The following CEP192 variants were observed in gnomAD, a reference collection of about 807,000 sequenced individuals.
CEP192 encodes centrosomal protein 192, also known as centrosomal protein of 192 kDa.
In CEP192, 151 loss-of-function variants were observed where a neutral mutation model predicts 271.8. The observed-to-expected ratio is 0.56, with a 90% CI of 0.49 to 0.64. CEP192 has a LOEUF of 0.64. Among genes scored for constraint, CEP192 ranks in the 30% least tolerant of loss-of-function variants. CEP192 has a pLI of 0.00. For synonymous variants in CEP192, 995 were observed against 1,076.5 expected (o/e 0.92, Z 1.48); for missense variants, 2,910 against 3,020.5 (o/e 0.96, Z 0.86).
At chr18:13,072,111 G>T (rs972918331) in intron 28 of CEP192, among the ~76,000 whole-genome samples, 1 of 152,188 alleles carries the variant, frequency 6.6e-6, no homozygotes, top group African/African-American at 2.4e-5. Flanking sequence ...TGGATGAGAC[G>T]TAGACCTCAG....
At chr18:13,001,776 T>C (rs1047417079) in intron 3 of CEP192, among the ~76,000 whole-genome samples, 194 bp downstream of exon 3, 9 of 152,234 alleles carry the variant, frequency 5.9e-5, no homozygotes, top group Admixed American at 1.3e-4. Context: ...TGATCTCAGC[T>C]CACTGCAACC....
At chr18:13,117,844 T>TC (rs1349601180) in intron 44 of CEP192, among the ~76,000 whole-genome samples, 5 of 152,222 alleles carry the variant, frequency 3.3e-5, no homozygotes, top group Admixed American at 1.3e-4. Flanking sequence ...CGTGGTGCAC[T>TC]CAGCGGTGCC....
chr18:13,010,357 T>G (rs1451504191), intron 4 of CEP192, among the ~76,000 whole-genome samples: 1 of 152,130 alleles, frequency 6.6e-6, no homozygotes, highest in Non-Finnish European at 1.5e-5. Context: ...GATTATATGT[T>G]GTAAGATTGA....
rs1396786499 is a variant in CEP192 at position 13,017,229 on chromosome 18, G to C, written c.682G>C (p.Glu228Gln). 1 of 1,549,428 alleles carries C rather than the reference G, an allele frequency of 6.5e-7. No individual in the cohort carries two copies. Among genetic ancestry groups the C allele is most frequent in the African/African-American group, 1.4e-5 (1 of 73,086 alleles). Residue 228 changes from glutamate (E) to glutamine (Q), a missense_variant, in exon 7 of 45, where the codon GAG becomes CAG. Physicochemically the swap from Glu to Gln is conservative, Grantham distance 29 (BLOSUM62 2). Transcript: ENST00000506447. ...TGAAATGTTTTATGATGATCATTTG[G>C]AGGCTTATTTTGAACAACTGGCAAT... ...DDEMFYDDHL[E>Q]AYFEQLAIPG...
Position 13,116,356 on chromosome 18 carries a change from T to G in CEP192, c.7290-21T>G, listed in dbSNP as rs1377084594. On this transcript the variant is annotated intron_variant, in intron 42 of 44. Coordinates refer to ENST00000506447, the MANE Select transcript of CEP192 (RefSeq NM_032142.4). ...ACTGTGGATTTCAGATTCTTAACTTTTACACCTATTCCCAAAGCAGGCAGC... is the reference window on the plus strand; with the variant it reads ...ACTGTGGATTTCAGATTCTTAACTTGTACACCTATTCCCAAAGCAGGCAGC... The G allele has an allele frequency of 8.1e-6, 13 of 1,608,990 alleles. No homozygotes were observed. In the South Asian group the frequency reaches 1.3e-4, roughly 17 times the overall value.
intron 34 of CEP192, among the ~76,000 whole-genome samples, chr18:13,095,290 C>T (rs1292625917): frequency 6.6e-6 from 1 of 152,196 alleles, no homozygotes; most frequent in Non-Finnish European, 1.5e-5. Context: ...GCATGATCCA[C>T]CACACCCAGC....
chr18:13,105,054 T>C lies in CEP192; in HGVS notation c.7022T>C (p.Leu2341Pro). The change falls in exon 40 of 45, where the codon CTG becomes CCG. Residue 2341 changes from leucine to proline, a missense_variant. Transcript: ENST00000506447. ...AAFRCSPISGLLESHGIQKVS... is the reference protein window; with the variant it reads ...AAFRCSPISGPLESHGIQKVS... The stretch of plus-strand genomic sequence containing the variant: ...TTCAGATGTTCTCCTATTTCTGGTC[T>C]GCTGGAAAGCCATGGGATCCAAAAA... 1 of 1,613,964 alleles carries C rather than the reference T, an allele frequency of 6.2e-7. No homozygotes were observed. The highest frequency in any genetic ancestry group is 2.2e-5 in the East Asian group (1 of 44,894).
Position 13,103,585 on chromosome 18 carries a change from C to T in CEP192, c.6948C>T (p.Val2316=). The change falls in exon 39 of 45, where the codon GTC becomes GTT. Residue 2316 remains valine, a synonymous_variant. Coordinates refer to ENST00000506447, the MANE Select transcript of CEP192 (RefSeq NM_032142.4). ...WHLSSLAPPY[V]KGVDESGDVF... is the part of the protein sequence containing the mutation. The stretch of plus-strand genomic sequence containing the variant: ...TGTCATCTTTAGCGCCACCTTATGT[C>T]AAGGTCAGTCATGACTGCCTCAGAT... 6.2e-7 allele frequency: 1 copy of T among 1,610,590 alleles called. No homozygotes were observed. The highest frequency in any genetic ancestry group is 1.1e-5 in the South Asian group (1 of 91,010).
At chr18:13,015,215 A>G in intron 5 of CEP192, 113 bp from the exon 6 acceptor site, 1 of 954,452 alleles carries the variant, frequency 1.0e-6, no homozygotes, top group Non-Finnish European at 1.5e-6. Context: ...TGTGATTTAC[A>G]GATACTGAAC....
chr18:12,994,699 A>G (rs956827167), intron 1 of CEP192, among the ~76,000 whole-genome samples: 1 of 152,172 alleles, frequency 6.6e-6, no homozygotes, highest in Non-Finnish European at 1.5e-5. Flanking sequence ...TTGTTTGACA[A>G]CAGTGTATTG....
At chr18:13,082,523 G>A (rs1267150405) in intron 30 of CEP192, among the ~76,000 whole-genome samples, 4 of 142,228 alleles carry the variant, frequency 2.8e-5, no homozygotes, top group East Asian at 2.1e-4. Flanking sequence ...GTCTCTGCAC[G>A]TGAGATGGGT....
Position 13,096,314 on chromosome 18 carries a change from C to T in CEP192, c.6557+7C>T. 6.2e-7 allele frequency: 1 copy of T among 1,612,392 alleles called. No individual in the cohort carries two copies. Among genetic ancestry groups the T allele is most frequent in the Non-Finnish European group, 8.5e-7 (1 of 1,178,902 alleles). On this transcript the variant is annotated splice_region_variant and intron_variant, in intron 36 of 44. Transcript: ENST00000506447. ...ATGGATGTGTCGCGCCAGAGTAAGT[C>T]TGACTTCTGTGTTGCTCTGCGTGTT...
At chr18:13,011,303 A>T (rs947556240) in intron 4 of CEP192, among the ~76,000 whole-genome samples, 3 of 152,066 alleles carry the variant, frequency 2.0e-5, no homozygotes, top group African/African-American at 7.2e-5. Context: ...AACTATAATA[A>T]TAAAAAAAAA....
At chr18:13,095,044 T>C (rs893925172) in intron 34 of CEP192, among the ~76,000 whole-genome samples, 2 of 152,170 alleles carry the variant, frequency 1.3e-5, no homozygotes, top group Admixed American at 1.3e-4. Context: ...ACTTTACGTA[T>C]TTTTTTAAAA....
At chr18:13,122,576 G>A (rs1469375644) in intron 44 of CEP192, among the ~76,000 whole-genome samples, 5 of 84,306 alleles carry the variant, frequency 5.9e-5, no homozygotes, top group African/African-American at 1.4e-4. Context: ...GCGAGAATCC[G>A]TCTGAAAAAA....
At position 13,092,377 on chromosome 18, in the gene CEP192, T is replaced by C; in HGVS notation, c.6104T>C (p.Val2035Ala). The change falls in exon 34 of 45, where the codon GTA becomes GCA. Residue 2035 changes from valine (V) to alanine (A), a missense_variant and splice_region_variant. Transcript: ENST00000506447. ...TTTCAAACATTATTTTCTATTTCAG[T>C]ATATGATCTTCCCCAACGACCTAAT... ...AFQDELLVTEVYDLPQRPNDV... is the reference protein window; with the variant it reads ...AFQDELLVTEAYDLPQRPNDV... The C allele has an allele frequency of 6.3e-7, 1 of 1,578,760 alleles. No individual in the cohort carries two copies. Among genetic ancestry groups the C allele is most frequent in the Non-Finnish European group, 8.7e-7 (1 of 1,156,060 alleles).
chr18:13,060,899 G>A (rs1265484797), intron 21 of CEP192, among the ~76,000 whole-genome samples: 1 of 150,456 alleles, frequency 6.6e-6, no homozygotes, highest in Non-Finnish European at 1.5e-5. Flanking sequence ...ACTCCAGCCT[G>A]GGCAACAGAG....
rs116712880 is a variant in CEP192 at position 13,090,951 on chromosome 18, G to T, written c.6103+1386G>T. Among the ~76,000 whole-genome samples the T allele has an allele frequency of 5.8e-3, 879 of 152,330 alleles. 14 individuals carry two copies. The highest frequency in any genetic ancestry group is 0.02 in the African/African-American group (842 of 41,566). On this transcript the variant is annotated intron_variant, in intron 33 of 44. Coordinates refer to ENST00000506447, the MANE Select transcript of CEP192 (RefSeq NM_032142.4). The stretch of plus-strand genomic sequence containing the variant: ...ACAGTCCTCTCGTTGGATGGTGGAT[G>T]CATCCTGAGAGGACAAGATGCCAGT...
chr18:13,037,584 G>A (rs2035983042), intron 12 of CEP192, among the ~76,000 whole-genome samples: 1 of 152,050 alleles, frequency 6.6e-6, no homozygotes, highest in African/African-American at 2.4e-5. Flanking sequence ...TTTGAGACAG[G>A]ACTTGCTGTG....
Sources: gnomAD v4.1 joint callset for allele counts (sites outside exome capture counted in the v4.1 genomes callset) on GRCh38, gnomAD v4.1.1 for gene constraint, MANE v1.5 for transcripts, NCBI Gene and HGNC (gene_info 2026-07-23, HGNC 2026-07-21) for gene names.